Variants in SYNE2 observed in about 807,000 individuals in gnomAD.
SYNE2 encodes the protein spectrin repeat containing nuclear envelope protein 2.
A neutral mutation model predicts 856.3 loss-of-function variants in SYNE2; 431 were observed. That is an observed-to-expected ratio of 0.50 (90% CI 0.47 to 0.55). SYNE2 has a LOEUF of 0.55. Among genes scored for constraint, SYNE2 ranks in the 20% least tolerant of loss-of-function variants. The probability of loss-of-function intolerance (pLI) is 0.00; values close to 1 mark genes in which losing one functional copy is unlikely to be tolerated. For missense variants in SYNE2, 8,129 were observed against 8,023.2 expected, an observed-to-expected ratio of 1.01 and a Z score of -0.50; for synonymous variants, 2,923 against 2,872.3, an observed-to-expected ratio of 1.02 and a Z score of -0.56.
At chr14:63,880,687 T>C (rs1336265219) in intron 1 of SYNE2, among the ~76,000 whole-genome samples, 2 of 150,526 alleles carry the variant, frequency 1.3e-5, no homozygotes, top group Non-Finnish European at 3.0e-5. Flanking sequence ...TTTTTTTTTT[T>C]TTTAAGACAG....
intron 1 of SYNE2, among the ~76,000 whole-genome samples, chr14:63,805,890 TG>T (rs2139811105): frequency 6.6e-6 from 1 of 152,350 alleles, no homozygotes; most frequent in East Asian, 1.9e-4. Flanking sequence ...GCAGAGGCCA[TG>T]GGGTTTTCTA....
At position 64,055,851 on chromosome 14, in the gene SYNE2, G is replaced by T. The variant is rs1208730236; in HGVS notation, c.9745-93G>T. 3.9e-6 allele frequency: 3 copies of T among 760,266 alleles called. No individual in the cohort carries two copies. The East Asian group carries it at 8.1e-5, about 21-fold the overall frequency. The allele number at this position is 760,266 out of a possible 1,614,324, so 47.1% of individuals were successfully genotyped here. The stretch of plus-strand genomic sequence containing the variant: ...TAATAATAATAAAAAAAGACTCAGA[G>T]ACATATTATCTATGTACCACGAAAA... On this transcript the variant is annotated intron_variant, in intron 48 of 115. Coordinates refer to ENST00000555002, the MANE Select transcript of SYNE2 (RefSeq NM_182914.3).
intron 1 of SYNE2, among the ~76,000 whole-genome samples, chr14:63,893,312 C>T (rs948214667): frequency 2.6e-5 from 4 of 152,162 alleles, no homozygotes; most frequent in South Asian, 2.1e-4. Context: ...TAATCGTAGC[C>T]GTTTGGGAGG....
intron 1 of SYNE2, among the ~76,000 whole-genome samples, chr14:63,820,836 G>A (rs2139862968): frequency 6.6e-6 from 1 of 150,442 alleles, no homozygotes; most frequent in East Asian, 2.0e-4. Context: ...TGCAACCTCT[G>A]CCTCCTGGGT....
At position 64,052,284 on chromosome 14, in the gene SYNE2, G is replaced by A. The variant is rs766135556; in HGVS notation, c.8371G>A (p.Asp2791Asn). The change falls in exon 48 of 116, where the codon GAT becomes AAT. Residue 2791 changes from aspartate (D) to asparagine (N), a missense_variant. Physicochemically the swap from Asp to Asn is conservative, Grantham distance 23. This residue lies in a region of SYNE2 where 5,410 missense variants were observed against 5,284.8 expected (regional missense o/e 1.02). Coordinates refer to ENST00000555002, the MANE Select transcript of SYNE2 (RefSeq NM_182914.3). ...GGAATCGTTGGCTGAAGAGGTCAAAGATAAGGTTCCTAGCCTTACAACCTA... is the reference window on the plus strand; with the variant it reads ...GGAATCGTTGGCTGAAGAGGTCAAAAATAAGGTTCCTAGCCTTACAACCTA... ...SVESLAEEVK[D>N]KVPSLTTYEG... 4 of 1,614,080 alleles carry A rather than the reference G, an allele frequency of 2.5e-6. No individual in the cohort carries two copies. Among genetic ancestry groups the A allele is most frequent in the East Asian group, 4.5e-5 (2 of 44,896 alleles).
intron 64 of SYNE2, among the ~76,000 whole-genome samples, chr14:64,106,474 C>A (rs534851849): frequency 6.6e-6 from 1 of 152,170 alleles, no homozygotes; most frequent in South Asian, 2.1e-4. Context: ...ACGGTGAAAC[C>A]CCATCTCTAC....
intron 1 of SYNE2, among the ~76,000 whole-genome samples, chr14:63,840,494 C>T (rs7145657): frequency 0.64 from 83,743 of 130,086 alleles, 27,710 homozygotes; most frequent in South Asian, 0.77. Context: ...CCTCCCTTCC[C>T]TCCTCCTTCC....
intron 32 of SYNE2, among the ~76,000 whole-genome samples, chr14:64,010,557 C>G (rs577229342): frequency 4.5e-4 from 68 of 152,206 alleles, no homozygotes; most frequent in African/African-American, 1.6e-3. Context: ...CCACTTTGCT[C>G]CATCTATGTT....
intron 65 of SYNE2, among the ~76,000 whole-genome samples, chr14:64,108,957 C>A (rs1474301729): frequency 6.6e-6 from 1 of 151,954 alleles, no homozygotes; most frequent in Non-Finnish European, 1.5e-5. Context: ...CTCACTGGAG[C>A]CTCAACCTCC....
chr14:64,119,395 A>C (rs918666102), intron 66 of SYNE2, 32 bp from the exon 67 acceptor site: 2 of 1,613,166 alleles, frequency 1.2e-6, no homozygotes, highest in East Asian at 2.2e-5. Flanking sequence ...CAAGAACAAC[A>C]TTATGAATAA....
intron 85 of SYNE2, among the ~76,000 whole-genome samples, chr14:64,155,789 G>A (rs565516341): frequency 6.6e-6 from 1 of 152,312 alleles, no homozygotes; most frequent in Non-Finnish European, 1.5e-5. Context: ...TTAGCCGGAT[G>A]TGGTGGCATG....
rs199564694 is a variant in SYNE2 at position 64,209,619 on chromosome 14, G to T, written c.18540+41G>T. 2.5e-6 allele frequency: 4 copies of T among 1,611,852 alleles called. No individual in the cohort carries two copies. In the Admixed American group the frequency reaches 6.7e-5, roughly 27 times the overall value. ...ATCCCGGTCTCCTGATCATAACCAA[G>T]CCTGCAGCGAGCCTGGGGGCTGCTG... On this transcript the variant is annotated intron_variant, in intron 102 of 115. Coordinates refer to ENST00000555002, the MANE Select transcript of SYNE2 (RefSeq NM_182914.3).
chr14:64,201,693 G>A (rs188925670), intron 99 of SYNE2, among the ~76,000 whole-genome samples: 6 of 152,144 alleles, frequency 3.9e-5, no homozygotes, highest in Non-Finnish European at 8.8e-5. Flanking sequence ...GAGGTTGTTC[G>A]GTCAAGTAAG....
chr14:64,026,340 T>C (rs1343145612), intron 41 of SYNE2, among the ~76,000 whole-genome samples: 1 of 152,064 alleles, frequency 6.6e-6, no homozygotes, highest in Non-Finnish European at 1.5e-5. Flanking sequence ...AAAGGAAGTA[T>C]TGAAAATCTA....
intron 1 of SYNE2, among the ~76,000 whole-genome samples, chr14:63,816,659 A>C (rs1181885858): frequency 6.6e-6 from 1 of 151,244 alleles, no homozygotes; most frequent in East Asian, 1.9e-4. Flanking sequence ...TTCTCTCTGA[A>C]GATGAAGTGT....
At chr14:64,124,467 C>T (rs1271655570) in intron 70 of SYNE2, among the ~76,000 whole-genome samples, 1 of 150,958 alleles carries the variant, frequency 6.6e-6, no homozygotes, top group Non-Finnish European at 1.5e-5. Flanking sequence ...TCTAGGAATC[C>T]TCCCACCTCT....
intron 106 of SYNE2, 94 bp downstream of exon 106, chr14:64,214,564 C>A (rs534112584): frequency 2.3e-6 from 3 of 1,293,800 alleles, no homozygotes; most frequent in Admixed American, 4.0e-5. Flanking sequence ...GACCAAGAGT[C>A]CATCTTGTGG....
At chr14:64,036,371 C>T (rs911217540) in intron 45 of SYNE2, among the ~76,000 whole-genome samples, 3 of 152,136 alleles carry the variant, frequency 2.0e-5, no homozygotes, top group Admixed American at 6.5e-5. Flanking sequence ...ACTGCAACCT[C>T]TGCCTCTGGA....
At chr14:64,014,952 T>TAC (rs1294969296) in intron 32 of SYNE2, among the ~76,000 whole-genome samples, 3 of 118,810 alleles carry the variant, frequency 2.5e-5, no homozygotes, top group African/African-American at 1.5e-4. Context: ...TATATATATA[T>TAC]ATATATATAT....
Sources: allele counts gnomAD v4.1 joint callset (sites outside exome capture counted in the v4.1 genomes callset), GRCh38; gene constraint gnomAD v4.1.1; regional missense constraint gnomAD v4.1.1; transcripts MANE v1.5; gene names NCBI Gene and HGNC (gene_info 2026-07-23, HGNC 2026-07-21).